AADAT: variants seen among roughly 807,000 people sequenced by gnomAD.
The protein encoded by AADAT is aminoadipate aminotransferase.
In AADAT, 25 loss-of-function variants were observed where a neutral mutation model predicts 56.2. That is an observed-to-expected ratio of 0.44 (90% CI 0.32 to 0.62). AADAT has a LOEUF of 0.62. Among genes scored for constraint, AADAT ranks in the 20% least tolerant of loss-of-function variants. The pLI is 0.04. For missense variants in AADAT, 387 were observed against 510.5 expected (o/e 0.76, Z 2.33); for synonymous variants, 173 against 164.7 (o/e 1.05, Z -0.39).
upstream of AADAT, chr4:170,090,048 G>C (rs571160150): frequency 6.5e-6 from 1 of 152,952 alleles, no homozygotes; most frequent in Non-Finnish European, 1.5e-5. Flanking sequence ...CGCCCGCGGC[G>C]CGCGCCTCCC....
At chr4:170,091,597 C>T (rs1732838213), upstream of AADAT, 1 of 153,348 alleles carries the variant, frequency 6.5e-6, no homozygotes, top group Non-Finnish European at 1.5e-5. Context: ...CATTTACCGC[C>T]CAAGGGCTGA....
chr4:170,092,416 C>A (rs1732893814), upstream of AADAT, among the ~76,000 whole-genome samples: 1 of 152,240 alleles, frequency 6.6e-6, no homozygotes, highest in Non-Finnish European at 1.5e-5. Context: ...CGCCAGCAGC[C>A]AGTGAGACCA....
intron 10 of AADAT, among the ~76,000 whole-genome samples, chr4:170,066,151 TTAAG>T (rs1182341080): frequency 6.6e-6 from 1 of 152,154 alleles, no homozygotes; most frequent in Non-Finnish European, 1.5e-5. Flanking sequence ...TTATTAAGCT[TTAAG>T]TAAGTTAGTG....
Position 170,078,588 on chromosome 4 carries a change from C to T in AADAT, c.370-5G>A. 1 of 1,596,486 alleles carries T rather than the reference C, an allele frequency of 6.3e-7. No individual in the cohort carries two copies. The highest frequency in any genetic ancestry group is 8.6e-7 in the Non-Finnish European group (1 of 1,168,916). ...ATTAATGATCATTTCAAACACCTAA[C>T]AAAAGAAGCATAGGTTAGCTTGTTA... On this transcript the variant is annotated splice_region_variant and splice_polypyrimidine_tract_variant and intron_variant, in intron 3 of 12. Transcript: ENST00000337664.
chr4:170,092,767 T>C (rs1732905582), upstream of AADAT, among the ~76,000 whole-genome samples: 1 of 152,252 alleles, frequency 6.6e-6, no homozygotes, highest in Non-Finnish European at 1.5e-5. Flanking sequence ...TGTGTTAAAC[T>C]AATCAGTGCA....
intron 4 of AADAT, among the ~76,000 whole-genome samples, chr4:170,077,064 A>AT (rs1442383412): frequency 6.6e-6 from 1 of 152,028 alleles, no homozygotes; most frequent in East Asian, 1.9e-4. Flanking sequence ...GGTCTATATG[A>AT]TTGTCTTTAT....
chr4:170,079,714 T>C (rs1050351432), intron 3 of AADAT, among the ~76,000 whole-genome samples: 1 of 152,054 alleles, frequency 6.6e-6, no homozygotes, highest in Non-Finnish European at 1.5e-5. Context: ...ACTAGATAGA[T>C]GGTGGGGGTG....
chr4:170,069,387 C>G (rs1731650876), intron 6 of AADAT, among the ~76,000 whole-genome samples, 157 bp from the exon 7 acceptor site: 2 of 152,162 alleles, frequency 1.3e-5, no homozygotes, highest in Non-Finnish European at 2.9e-5. Flanking sequence ...GAATAACAAA[C>G]AAAGATGCAG....
intron 12 of AADAT, among the ~76,000 whole-genome samples, chr4:170,061,606 G>T (rs1417233464): frequency 1.3e-5 from 2 of 152,124 alleles, no homozygotes; most frequent in Non-Finnish European, 2.9e-5. Flanking sequence ...AATAAAGGAA[G>T]GAAAGAAGTT....
intron 10 of AADAT, 105 bp downstream of exon 10, chr4:170,066,309 T>C (rs1489142525): frequency 2.0e-6 from 2 of 1,011,512 alleles, no homozygotes; most frequent in Non-Finnish European, 3.1e-6. Flanking sequence ...AGAATACTCC[T>C]GGACTGTTTC....
chr4:170,067,284 G>A, intron 9 of AADAT, 43 bp downstream of exon 9: 1 of 1,437,060 alleles, frequency 7.0e-7, no homozygotes, highest in Non-Finnish European at 9.8e-7. Flanking sequence ...TGTTCACTGG[G>A]CTCCTGTTTT....
chr4:170,061,263 C>G (rs1231360935), intron 12 of AADAT, among the ~76,000 whole-genome samples: 1 of 152,160 alleles, frequency 6.6e-6, no homozygotes, highest in Non-Finnish European at 1.5e-5. Context: ...TACATAATCT[C>G]TCACCTGCAT....
In AADAT at chr4:170,070,188, C is replaced by T. The variant is rs570117824; in HGVS notation, c.720+399G>A. 4.0e-5 allele frequency among the ~76,000 whole-genome samples: 6 copies of T among 151,050 alleles called. No homozygotes were observed. In the South Asian group the frequency reaches 6.4e-4, roughly 16 times the overall value. On this transcript the variant is annotated intron_variant, in intron 6 of 12. Coordinates refer to ENST00000337664, the MANE Select transcript of AADAT (RefSeq NM_016228.4). ...AATCCTTCTCATACATCATTCTAAT[C>T]GGCCACCACCAAGACACAGAAGTCA...
intron 8 of AADAT, 89 bp from the exon 9 acceptor site, chr4:170,067,477 T>C (rs1284961025): frequency 2.1e-6 from 2 of 949,538 alleles, no homozygotes; most frequent in South Asian, 1.5e-5. Context: ...TTTGATTACA[T>C]GTAAACCACA....
At position 170,069,174 on chromosome 4, in the gene AADAT, G is replaced by A. The variant is rs933531228; in HGVS notation, c.777C>T (p.Asp259=). The A allele has an allele frequency of 1.2e-6, 2 of 1,613,776 alleles. No homozygotes were observed. ...CAGAGGAAATGATTTTTGAAAAAGAGTCAGCTCTGATGACACGTCCATCAA... is the reference window on the plus strand; with the variant it reads ...CAGAGGAAATGATTTTTGAAAAAGAATCAGCTCTGATGACACGTCCATCAA... ...MDVDGRVIRA[D]SFSKIISSGL... Residue 259 remains aspartate, a synonymous_variant, in exon 7 of 13, where the codon GAC becomes GAT. Transcript: ENST00000337664.
upstream of AADAT, among the ~76,000 whole-genome samples, chr4:170,092,174 C>T (rs533200389): frequency 2.0e-5 from 3 of 152,238 alleles, no homozygotes; most frequent in African/African-American, 4.8e-5. Flanking sequence ...CGGTAACCCG[C>T]TTGGATACTT....
intron 6 of AADAT, 154 bp downstream of exon 6, chr4:170,070,433 A>G: frequency 3.5e-6 from 2 of 564,316 alleles, no homozygotes; most frequent in Non-Finnish European, 6.3e-6. Context: ...GGAAGACTGA[A>G]AAGTAAAGTA....
chr4:170,092,080 A>G (rs1028138807), upstream of AADAT, among the ~76,000 whole-genome samples: 2 of 152,208 alleles, frequency 1.3e-5, no homozygotes, highest in African/African-American at 4.8e-5. Context: ...AAACAGGCCA[A>G]TTGGCTCTCT....
At position 170,078,902 on chromosome 4, in the gene AADAT, C is replaced by T. The variant is rs184767735; in HGVS notation, c.370-319G>A. Among the ~76,000 whole-genome samples the T allele has an allele frequency of 6.5e-3, 992 of 152,262 alleles. 15 individuals are homozygous for T. The highest frequency in any genetic ancestry group is 0.034 in the Middle Eastern group (10 of 294). The stretch of plus-strand genomic sequence containing the variant: ...GCTCTCAAACCATAGTTTGCCAACT[C>T]CTGTTCCAGAGAAAGGTGAACAGAG... On this transcript the variant is annotated intron_variant, in intron 3 of 12. Coordinates refer to ENST00000337664, the MANE Select transcript of AADAT (RefSeq NM_016228.4).
Sources: gnomAD v4.1 joint callset for allele counts (sites outside exome capture counted in the v4.1 genomes callset) on GRCh38, gnomAD v4.1.1 for gene constraint, MANE v1.5 for transcripts, NCBI Gene and HGNC (gene_info 2026-07-23, HGNC 2026-07-21) for gene names.